The following EXOC4 variants were observed in gnomAD, a reference collection of about 807,000 sequenced individuals.
EXOC4 encodes the protein SEC8-like 1.
EXOC4 carries 71 observed loss-of-function variants against 107.2 expected under a neutral mutation model. The ratio of observed to expected loss-of-function variants is 0.66; its 90% CI spans 0.55 to 0.81. The LOEUF (loss-of-function observed/expected upper bound fraction) is 0.81. Among genes scored for constraint, EXOC4 ranks in the 30% least tolerant of loss-of-function variants. The pLI is 0.00. For synonymous variants in EXOC4, 456 were observed against 441.2 expected (o/e 1.03, Z -0.42); for missense variants, 1,108 against 1,189.6 (o/e 0.93, Z 1.01).
chr7:133,485,837 G>A (rs1229482061), intron 9 of EXOC4, among the ~76,000 whole-genome samples: 1 of 152,114 alleles, frequency 6.6e-6, no homozygotes, highest in African/African-American at 2.4e-5. Context: ...TAAACAGACT[G>A]GGAGTCCTGT....
chr7:134,038,221 C>T (rs1454187419), intron 17 of EXOC4, among the ~76,000 whole-genome samples: 1 of 152,158 alleles, frequency 6.6e-6, no homozygotes, highest in Non-Finnish European at 1.5e-5. Flanking sequence ...CTGCATCAGG[C>T]GGATTGGCAT....
chr7:133,592,468 A>G (rs981061915), intron 9 of EXOC4, among the ~76,000 whole-genome samples: 3 of 152,102 alleles, frequency 2.0e-5, no homozygotes, highest in Admixed American at 2.0e-4. Flanking sequence ...TTTTGAGACA[A>G]ATTTCACTCT....
intron 11 of EXOC4, among the ~76,000 whole-genome samples, chr7:133,849,833 A>G (rs1798205691): frequency 6.6e-6 from 1 of 152,220 alleles, no homozygotes; most frequent in South Asian, 2.1e-4. Context: ...CCAAATTAAT[A>G]CAACTTAAAA....
At chr7:133,521,598 G>A (rs570909674) in intron 9 of EXOC4, among the ~76,000 whole-genome samples, 4 of 151,902 alleles carry the variant, frequency 2.6e-5, no homozygotes, top group Admixed American at 2.6e-4. Context: ...ATTCATTTCA[G>A]TTCCGTGTTT....
At chr7:133,785,945 AGGC>A (rs1796560778) in intron 10 of EXOC4, among the ~76,000 whole-genome samples, 1 of 152,232 alleles carries the variant, frequency 6.6e-6, no homozygotes. Flanking sequence ...CTGGGATCAC[AGGC>A]GTGAGCCACT....
intron 9 of EXOC4, among the ~76,000 whole-genome samples, chr7:133,581,550 A>G (rs1475431005): frequency 2.6e-5 from 4 of 151,776 alleles, no homozygotes; most frequent in Non-Finnish European, 5.9e-5. Context: ...CGAGGTCAGG[A>G]GATCGAGACC....
chr7:133,595,189 T>C (rs182124960), intron 9 of EXOC4, among the ~76,000 whole-genome samples: 15 of 152,172 alleles, frequency 9.9e-5, no homozygotes, highest in African/African-American at 2.4e-4. Flanking sequence ...CAGAAGACTG[T>C]GCAGGAACAT....
At chr7:133,709,645 CTTTTTTTTTTTT>C (rs147956984) in intron 10 of EXOC4, among the ~76,000 whole-genome samples, 3 of 118,144 alleles carry the variant, frequency 2.5e-5, no homozygotes, top group Non-Finnish European at 5.2e-5. Context: ...AATCTGTTTT[CTTTTTTTTTTTT>C]TTTTTTTTTC....
intron 7 of EXOC4, among the ~76,000 whole-genome samples, chr7:133,436,057 T>TG (rs1554452693): frequency 1.3e-3 from 190 of 151,398 alleles, no homozygotes; most frequent in Middle Eastern, 3.4e-3. Context: ...TGTTTTTTTT[T>TG]TTTTGTTTTT....
At chr7:133,469,646 G>A (rs1358931676) in intron 7 of EXOC4, among the ~76,000 whole-genome samples, 1 of 152,156 alleles carries the variant, frequency 6.6e-6, no homozygotes, top group Non-Finnish European at 1.5e-5. Flanking sequence ...TTATAAGGAA[G>A]ATATATTAGA....
intron 3 of EXOC4, among the ~76,000 whole-genome samples, chr7:133,296,430 G>GA (rs1293094689): frequency 1.3e-5 from 2 of 152,102 alleles, no homozygotes; most frequent in African/African-American, 4.8e-5. Context: ...CCGCATTTGA[G>GA]ACCCCCCTTC....
chr7:133,563,437 A>C, intron 9 of EXOC4, among the ~76,000 whole-genome samples: 1 of 152,128 alleles, frequency 6.6e-6, no homozygotes, highest in South Asian at 2.1e-4. Flanking sequence ...TCCATCTTAC[A>C]TGTCACTTTA....
chr7:133,684,351 A>G (rs1794249673), intron 10 of EXOC4, among the ~76,000 whole-genome samples: 1 of 152,200 alleles, frequency 6.6e-6, no homozygotes, highest in Non-Finnish European at 1.5e-5. Context: ...TATTATGTGT[A>G]AACTTGATAT....
chr7:133,513,931 T>C (rs1362814972), intron 9 of EXOC4, among the ~76,000 whole-genome samples: 2 of 152,184 alleles, frequency 1.3e-5, no homozygotes, highest in East Asian at 3.8e-4. Flanking sequence ...GAAAATTGGC[T>C]GTTCCATTGG....
chr7:133,668,023 A>G (rs1440146078), intron 10 of EXOC4, among the ~76,000 whole-genome samples: 1 of 152,226 alleles, frequency 6.6e-6, no homozygotes, highest in East Asian at 1.9e-4. Flanking sequence ...TTACCTTAAT[A>G]GCCATATCAT....
intron 9 of EXOC4, among the ~76,000 whole-genome samples, chr7:133,616,463 A>G (rs974576215): frequency 1.3e-5 from 2 of 152,154 alleles, no homozygotes; most frequent in Non-Finnish European, 2.9e-5. Flanking sequence ...AAGGAAATAT[A>G]TTTTTGAAAA....
At chr7:133,574,549 G>A (rs1486056073) in intron 9 of EXOC4, among the ~76,000 whole-genome samples, 2 of 152,186 alleles carry the variant, frequency 1.3e-5, no homozygotes, top group Non-Finnish European at 2.9e-5. Context: ...CGTACTTTGT[G>A]TGTGTATAAG....
chr7:133,799,570 T>C (rs1268187731), intron 10 of EXOC4, among the ~76,000 whole-genome samples: 2 of 152,140 alleles, frequency 1.3e-5, no homozygotes, highest in African/African-American at 4.8e-5. Context: ...AGAAATAATT[T>C]TGGATTCTCA....
At chr7:133,472,664 T>C (rs1338497860) in intron 7 of EXOC4, among the ~76,000 whole-genome samples, 1 of 152,168 alleles carries the variant, frequency 6.6e-6, no homozygotes, top group African/African-American at 2.4e-5. Context: ...ATGTAAAGGC[T>C]ACTTTTTAAA....
Sources: gnomAD v4.1 joint callset for allele counts (sites outside exome capture counted in the v4.1 genomes callset) on GRCh38, gnomAD v4.1.1 for gene constraint, MANE v1.5 for transcripts, NCBI Gene and HGNC (gene_info 2026-07-23, HGNC 2026-07-21) for gene names.